Variants in RANBP2 observed in about 807,000 individuals in gnomAD.
RANBP2 encodes E3 SUMO-protein ligase RanBP2.
A neutral mutation model predicts 303.6 loss-of-function variants in RANBP2; 57 were observed. The ratio of observed to expected loss-of-function variants is 0.19; its 90% CI spans 0.15 to 0.23. The LOEUF is 0.23. Ranked by LOEUF, RANBP2 falls within the 10% of genes least tolerant of loss-of-function variation. RANBP2 has a pLI of 1.00. For synonymous variants in RANBP2, 1,167 were observed against 1,301.5 expected (o/e 0.90, Z 2.23); for missense variants, 3,138 against 3,780.8 (o/e 0.83, Z 4.46).
At chr2:109,663,969 T>C in the RANBP2 span, among the ~76,000 whole-genome samples, 136 of 152,298 alleles carry the variant, frequency 8.9e-4, 1 homozygote, top group African/African-American at 3.2e-3. Context: ...TTCAGACACA[T>C]GGACTCAGGG....
At chr2:108,734,051 T>G (rs879064999) in intron 4 of RANBP2, among the ~76,000 whole-genome samples, 2 of 152,120 alleles carry the variant, frequency 1.3e-5, no homozygotes, top group African/African-American at 4.8e-5. Context: ...TTAAAAATAT[T>G]TTTAACATAG....
the RANBP2 span, among the ~76,000 whole-genome samples, chr2:109,071,515 A>T: frequency 6.6e-6 from 1 of 152,126 alleles, no homozygotes; most frequent in Non-Finnish European, 1.5e-5. Flanking sequence ...CTCTACTAAA[A>T]ATACAAAAAT....
chr2:109,617,574 A>G, the RANBP2 span: 28,608 of 166,966 alleles, frequency 0.17, 2,782 homozygotes, highest in African/African-American at 0.27. Flanking sequence ...GCTGAAACCT[A>G]AGTACCTGCA....
chr2:109,243,741 A>G, the RANBP2 span, among the ~76,000 whole-genome samples: 1 of 152,212 alleles, frequency 6.6e-6, no homozygotes, highest in Non-Finnish European at 1.5e-5. Context: ...GTTTTCAGAG[A>G]ACCTCGGGGT....
the RANBP2 span, among the ~76,000 whole-genome samples, chr2:108,971,384 T>C: frequency 6.6e-6 from 1 of 152,016 alleles, no homozygotes; most frequent in African/African-American, 2.4e-5. Flanking sequence ...AAAATCTTCA[T>C]TGTAACAAGA....
chr2:109,208,251 T>C, the RANBP2 span, among the ~76,000 whole-genome samples: 1 of 152,352 alleles, frequency 6.6e-6, no homozygotes, highest in South Asian at 2.1e-4. Context: ...GGATTCGATA[T>C]GGTTGCAGAA....
the RANBP2 span, among the ~76,000 whole-genome samples, chr2:109,001,070 A>G: frequency 6.6e-6 from 1 of 152,306 alleles, no homozygotes; most frequent in East Asian, 1.9e-4. Context: ...TTTGGTTCTG[A>G]TAACTTTCTC....
chr2:109,406,831 A>C, the RANBP2 span, among the ~76,000 whole-genome samples: 1 of 152,166 alleles, frequency 6.6e-6, no homozygotes, highest in Non-Finnish European at 1.5e-5. Flanking sequence ...GCCTCTGCTC[A>C]TGCGCATTTC....
At chr2:109,705,105 AT>A in the RANBP2 span, among the ~76,000 whole-genome samples, 14 of 150,792 alleles carry the variant, frequency 9.3e-5, no homozygotes, top group East Asian at 2.0e-4. Flanking sequence ...AAATAAATAA[AT>A]AAATAAATAA....
the RANBP2 span, among the ~76,000 whole-genome samples, chr2:109,328,201 C>T: frequency 8.5e-5 from 13 of 152,150 alleles, no homozygotes; most frequent in Non-Finnish European, 1.0e-4. Flanking sequence ...GTGTGGATTT[C>T]CCTCATAGTC....
At chr2:108,942,127 G>A in the RANBP2 span, among the ~76,000 whole-genome samples, 1 of 152,226 alleles carries the variant, frequency 6.6e-6, no homozygotes, top group East Asian at 1.9e-4. Context: ...CTCTCAGCCT[G>A]CTGAGCATAT....
the RANBP2 span, among the ~76,000 whole-genome samples, chr2:109,205,712 C>T: frequency 6.6e-6 from 1 of 152,164 alleles, no homozygotes; most frequent in African/African-American, 2.4e-5. Flanking sequence ...GGTGTTGTTT[C>T]GGGGCAGTGC....
At position 108,753,613 on chromosome 2, in the gene RANBP2, T is replaced by A. The variant is rs202002984; in HGVS notation, c.2055+50T>A. The A allele has an allele frequency of 7.4e-4, 1,187 of 1,593,888 alleles. 9 individuals carry two copies. The African/African-American group carries it at 0.014, about 19-fold the overall frequency. On this transcript the variant is annotated intron_variant, in intron 14 of 28. Transcript: ENST00000283195. ...AAAAGTTTTATTTATTTATTTATTATTTTTTTAAAAGACGGGGTTTCTCTG... is the reference window on the plus strand; with the variant it reads ...AAAAGTTTTATTTATTTATTTATTAATTTTTTAAAAGACGGGGTTTCTCTG...
chr2:108,748,930 G>C lies in RANBP2; in HGVS notation c.1074G>C (p.Leu358Phe). 2 of 1,611,932 alleles carry C rather than the reference G, an allele frequency of 1.2e-6. No individual in the cohort carries two copies. Among genetic ancestry groups the C allele is most frequent in the Non-Finnish European group, 1.7e-6 (2 of 1,179,846 alleles). Residue 358 changes from leucine to phenylalanine, a missense_variant, in exon 9 of 29, where the codon TTG (leucine) becomes TTC (phenylalanine). Physicochemically the swap from Leu to Phe is conservative, Grantham distance 22. Coordinates refer to ENST00000283195, the MANE Select transcript of RANBP2 (RefSeq NM_006267.5). ...CDRLSQSGHM[L>F]LNLSRGKQDF... ...AAATTTTTTTTTCAGGGCACATGTT[G>C]CTAAACTTAAGTCGTGGCAAGCAAG... is the stretch of plus-strand genomic sequence containing the variant.
chr2:109,209,130 G>A, the RANBP2 span, among the ~76,000 whole-genome samples: 1 of 152,314 alleles, frequency 6.6e-6, no homozygotes, highest in South Asian at 2.1e-4. Flanking sequence ...TGTTGCCACT[G>A]GGAAGTGGGT....
chr2:109,265,793 A>T, the RANBP2 span, among the ~76,000 whole-genome samples: 1 of 152,240 alleles, frequency 6.6e-6, no homozygotes, highest in Non-Finnish European at 1.5e-5. Flanking sequence ...AGCTTTTAAT[A>T]TGCAGGGTTG....
At chr2:109,737,562 A>C in the RANBP2 span, 1 of 445,328 alleles carries the variant, frequency 2.2e-6, no homozygotes, top group Non-Finnish European at 4.0e-6. Context: ...TCTTTAACGT[A>C]CTGATTTTCT....
chr2:108,965,464 CAA>C, the RANBP2 span, among the ~76,000 whole-genome samples: 5 of 137,370 alleles, frequency 3.6e-5, no homozygotes, highest in Non-Finnish European at 4.7e-5. Flanking sequence ...GATTTCGTCT[CAA>C]AAAAAAAAAA....
chr2:108,742,828 G>A (rs899807411), intron 7 of RANBP2, among the ~76,000 whole-genome samples: 3 of 151,930 alleles, frequency 2.0e-5, no homozygotes, highest in African/African-American at 7.3e-5. Context: ...TCACTCTGTT[G>A]CCCAGGCTGG....
Sources: gnomAD v4.1 joint callset for allele counts (sites outside exome capture counted in the v4.1 genomes callset) on GRCh38, gnomAD v4.1.1 for gene constraint, MANE v1.5 for transcripts, NCBI Gene and HGNC (gene_info 2026-07-23, HGNC 2026-07-21) for gene names.